Variants in RBFOX3 observed in about 807,000 individuals in gnomAD.
RBFOX3 encodes RNA binding protein fox-1 homolog 3.
Under a neutral mutation model 48.7 loss-of-function variants are expected in RBFOX3, and 17 were observed. The observed-to-expected ratio is 0.35, with a 90% CI of 0.24 to 0.52. The LOEUF is 0.52. Ranked by LOEUF, RBFOX3 falls within the 20% of genes least tolerant of loss-of-function variation. The probability of loss-of-function intolerance (pLI) is 0.94; values close to 1 mark genes in which losing one functional copy is unlikely to be tolerated. For synonymous variants in RBFOX3, 212 were observed against 209.5 expected (o/e 1.01, Z -0.10); for missense variants, 382 against 497.5 (o/e 0.77, Z 2.21).
intron 2 of RBFOX3, among the ~76,000 whole-genome samples, chr17:79,354,251 G>T (rs918027109): frequency 2.6e-5 from 4 of 152,170 alleles, no homozygotes; most frequent in African/African-American, 9.7e-5. Context: ...AAAGACGCAG[G>T]CCCACCATTC....
intron 2 of RBFOX3, among the ~76,000 whole-genome samples, chr17:79,314,647 C>G (rs951359021): frequency 7.5e-6 from 1 of 133,020 alleles, no homozygotes; most frequent in Non-Finnish European, 1.7e-5. Flanking sequence ...ATAAAAGGAA[C>G]GTATCAGAAA....
chr17:79,632,102 G>T, the RBFOX3 span, among the ~76,000 whole-genome samples: 1 of 152,342 alleles, frequency 6.6e-6, no homozygotes, highest in South Asian at 2.1e-4. Context: ...CCTTGAGAAT[G>T]CAACATTTCA....
chr17:79,462,495 A>G (rs117162350), intron 2 of RBFOX3, among the ~76,000 whole-genome samples: 73 of 152,352 alleles, frequency 4.8e-4, no homozygotes, highest in Non-Finnish European at 8.8e-4. Flanking sequence ...TCAAGAATAA[A>G]TTAACAGTGG....
At chr17:79,330,060 G>A (rs971026556) in intron 2 of RBFOX3, among the ~76,000 whole-genome samples, 3 of 152,172 alleles carry the variant, frequency 2.0e-5, no homozygotes, top group African/African-American at 7.2e-5. Context: ...GTTAAGCTGG[G>A]CAGAAAAACT....
rs1351333695 is a variant in RBFOX3 at position 79,254,878 on chromosome 17, C to T, written c.-73-19073G>A. Among the ~76,000 whole-genome samples, 4 of 152,236 alleles carry T rather than the reference C, an allele frequency of 2.6e-5. No homozygotes were observed. The highest frequency in any genetic ancestry group is 1.3e-4 in the Admixed American group (2 of 15,298). ...CATGGGCTGGACTCTCTAAGGACAA[C>T]GTGGGGCTTCAGGCTGACATGCTGG... On this transcript the variant is annotated intron_variant, in intron 3 of 14. Coordinates refer to ENST00000693108, the MANE Select transcript of RBFOX3 (RefSeq NM_001350451.2). The surrounding 1 kb of genome is among the most constrained non-coding windows in gnomAD (Gnocchi z 4.8).
chr17:79,587,244 C>A (rs1171303236), intron 1 of RBFOX3, among the ~76,000 whole-genome samples: 1 of 152,196 alleles, frequency 6.6e-6, no homozygotes, highest in African/African-American at 2.4e-5. Flanking sequence ...GTCACGAGAG[C>A]CCTTTTCCAC....
chr17:79,108,826 C>T (rs548738895), intron 5 of RBFOX3, among the ~76,000 whole-genome samples: 8 of 152,212 alleles, frequency 5.3e-5, no homozygotes, highest in Admixed American at 3.3e-4. Flanking sequence ...CAGCCTCCCC[C>T]GTACCACAGC....
intron 1 of RBFOX3, chr17:79,598,729 A>C (rs2093632302): frequency 6.6e-6 from 1 of 152,172 alleles, no homozygotes; most frequent in Non-Finnish European, 1.5e-5. Flanking sequence ...GTTTAAAAAA[A>C]TAAGTTTTTG....
chr17:79,279,627 A>G (rs893424756), intron 3 of RBFOX3, among the ~76,000 whole-genome samples: 19 of 152,220 alleles, frequency 1.2e-4, no homozygotes, highest in Non-Finnish European at 2.5e-4. Flanking sequence ...CACTGCTAGC[A>G]TTTGCTCAGT....
At position 79,336,606 on chromosome 17, in the gene RBFOX3, C is replaced by T. The variant is rs1039401228; in HGVS notation, c.-174-28782G>A. On this transcript the variant is annotated intron_variant, in intron 2 of 14. Transcript: ENST00000693108. ...CACAGGTGAGGTCCCTGGCCTCGTC[C>T]TCTCTCCTCCACACTGGACCTTCAG... Among the ~76,000 whole-genome samples the T allele has an allele frequency of 6.5e-4, 99 of 152,234 alleles. 1 individual carries two copies. Among genetic ancestry groups the T allele is most frequent in the Non-Finnish European group, 1.1e-3 (78 of 68,014 alleles).
intron 1 of RBFOX3, among the ~76,000 whole-genome samples, chr17:79,557,916 G>A (rs1275385744): frequency 1.3e-5 from 2 of 152,240 alleles, no homozygotes; most frequent in Non-Finnish European, 2.9e-5. Flanking sequence ...CTGGGGCAAG[G>A]GGACGGCCGG....
chr17:79,396,698 C>T (rs1289724765), intron 2 of RBFOX3, among the ~76,000 whole-genome samples: 2 of 152,240 alleles, frequency 1.3e-5, no homozygotes, highest in African/African-American at 4.8e-5. Context: ...GGTAGGCCCA[C>T]CTACTGCTCG....
the RBFOX3 span, among the ~76,000 whole-genome samples, chr17:79,620,463 A>T: frequency 1.4e-5 from 2 of 146,540 alleles, no homozygotes; most frequent in Non-Finnish European, 3.0e-5. Context: ...GCGCACACAC[A>T]TGCACACGTG....
At position 79,364,799 on chromosome 17, in the gene RBFOX3, C is replaced by T. The variant is rs570255331; in HGVS notation, c.-174-56975G>A. 5.9e-5 allele frequency among the ~76,000 whole-genome samples: 9 copies of T among 152,288 alleles called. No homozygotes were observed. Among genetic ancestry groups the T allele is most frequent in the African/African-American group, 1.9e-4 (8 of 41,558 alleles). On this transcript the variant is annotated intron_variant, in intron 2 of 14. Coordinates refer to ENST00000693108, the MANE Select transcript of RBFOX3 (RefSeq NM_001350451.2). The surrounding 1 kb of genome is among the most constrained non-coding windows in gnomAD (Gnocchi z 5.1). ...ACCCCGCAAAGCCCCAGGATGACTA[C>T]CCAGCCCACGCATGTGGCCTTACCT...
At position 79,183,061 on chromosome 17, in the gene RBFOX3, C is replaced by T. The variant is rs565389456; in HGVS notation, c.-34+52705G>A. On this transcript the variant is annotated intron_variant, in intron 4 of 14. Transcript: ENST00000693108. Reference sequence around the variant, plus strand: ...TCCGGCCCCCCCGCCTCGCGCCGCGCGCGCCCTGGGCGCCCCCGCGCTCGG... The same window carrying T: ...TCCGGCCCCCCCGCCTCGCGCCGCGTGCGCCCTGGGCGCCCCCGCGCTCGG... 8.7e-3 allele frequency among the ~76,000 whole-genome samples: 1,295 copies of T among 149,270 alleles called. 19 individuals are homozygous for T. Among genetic ancestry groups the T allele is most frequent in the African/African-American group, 0.03 (1,220 of 41,188 alleles).
chr17:79,648,606 C>A, the RBFOX3 span, among the ~76,000 whole-genome samples: 3 of 152,236 alleles, frequency 2.0e-5, no homozygotes, highest in Non-Finnish European at 4.4e-5. Flanking sequence ...GACCTGGCCA[C>A]CTCTGCCTCG....
At chr17:79,268,160 CTCG>C (rs5822283) in intron 3 of RBFOX3, among the ~76,000 whole-genome samples, 119,422 of 151,550 alleles carry the variant, frequency 0.79, 48,756 homozygotes, top group East Asian at 0.92. Flanking sequence ...AGAGTGGCTT[CTCG>C]TCTGCGAGTC....
intron 2 of RBFOX3, among the ~76,000 whole-genome samples, chr17:79,420,184 T>C (rs2066077747): frequency 8.1e-6 from 1 of 123,378 alleles, no homozygotes; most frequent in Non-Finnish European, 1.7e-5. Context: ...CAAAAGATGG[T>C]TAACAGGTGT....
At chr17:79,464,614 G>C (rs1157453568) in intron 2 of RBFOX3, among the ~76,000 whole-genome samples, 3 of 152,272 alleles carry the variant, frequency 2.0e-5, no homozygotes, top group African/African-American at 7.2e-5. Flanking sequence ...TTTATAGCAA[G>C]TGAGCAAACA....
Sources: gnomAD v4.1 joint callset for allele counts (sites outside exome capture counted in the v4.1 genomes callset) on GRCh38, gnomAD v4.1.1 for gene constraint, Gnocchi (gnomAD v3.1) non-coding constraint, MANE v1.5 for transcripts, NCBI Gene and HGNC (gene_info 2026-07-23, HGNC 2026-07-21) for gene names.